Variants in ASIC2 observed in about 807,000 individuals in gnomAD.
The protein encoded by ASIC2 is acid sensing ion channel subunit 2.
A neutral mutation model predicts 57.3 loss-of-function variants in ASIC2; 25 were observed. That is an observed-to-expected ratio of 0.44 (90% CI 0.32 to 0.61). The LOEUF is 0.61. Ranked by LOEUF, ASIC2 falls within the 20% of genes least tolerant of loss-of-function variation. ASIC2 has a pLI of 0.06. For missense variants in ASIC2, 641 were observed against 738.1 expected (o/e 0.87, Z 1.52); for synonymous variants, 319 against 307.5 (o/e 1.04, Z -0.39).
intron 1 of ASIC2, among the ~76,000 whole-genome samples, chr17:33,632,808 A>G (rs1906217020): frequency 6.6e-6 from 1 of 152,112 alleles, no homozygotes; most frequent in African/African-American, 2.4e-5. Context: ...TTACAACAAC[A>G]ATGCCAGCAA....
intron 1 of ASIC2, among the ~76,000 whole-genome samples, chr17:33,500,942 TACC>T (rs1914083058): frequency 6.6e-6 from 1 of 152,244 alleles, no homozygotes; most frequent in Admixed American, 6.5e-5. Context: ...TCTCTGATAT[TACC>T]ACGTCTACAC....
intron 1 of ASIC2, among the ~76,000 whole-genome samples, chr17:33,399,018 G>A (rs192950449): frequency 6.6e-6 from 1 of 152,302 alleles, no homozygotes; most frequent in East Asian, 1.9e-4. Context: ...CTGCCATTTT[G>A]TGGTGGCCAT....
chr17:33,995,760 G>A lies in ASIC2; in HGVS notation c.555+160218C>T, dbSNP rs151287207. Among the ~76,000 whole-genome samples, 11 of 152,146 alleles carry A rather than the reference G, an allele frequency of 7.2e-5. No homozygotes were observed. The East Asian group carries it at 1.7e-3, about 24-fold the overall frequency. Reference sequence around the variant, plus strand: ...TTCTTTATTCATTCACCCATTGATGGACACTTAGGTTGGTTTCATATCTTA... The same window carrying A: ...TTCTTTATTCATTCACCCATTGATGAACACTTAGGTTGGTTTCATATCTTA... On this transcript the variant is annotated intron_variant, in intron 1 of 9. Coordinates refer to the ASIC2 transcript ENST00000359872.
At chr17:33,939,298 T>G (rs1358028053) in intron 1 of ASIC2, among the ~76,000 whole-genome samples, 1 of 152,226 alleles carries the variant, frequency 6.6e-6, no homozygotes, top group African/African-American at 2.4e-5. Flanking sequence ...AGAAAACGAA[T>G]CAGAGAGGTC....
chr17:33,152,530 A>C (rs995640513), intron 1 of ASIC2, among the ~76,000 whole-genome samples: 5 of 152,196 alleles, frequency 3.3e-5, no homozygotes, highest in African/African-American at 1.2e-4. Flanking sequence ...GAGATGTAGG[A>C]GTGAGCAAGG....
intron 1 of ASIC2, among the ~76,000 whole-genome samples, chr17:33,875,362 C>A (rs1334427043): frequency 1.3e-5 from 2 of 152,188 alleles, no homozygotes; most frequent in Admixed American, 1.3e-4. Flanking sequence ...ATCCCAGCAT[C>A]CTCTTGCTGC....
intron 1 of ASIC2, among the ~76,000 whole-genome samples, chr17:33,383,481 T>C (rs962700949): frequency 4.6e-5 from 7 of 152,216 alleles, no homozygotes; most frequent in East Asian, 1.9e-4. Context: ...AAAATTATCA[T>C]GAAGTGACTG....
At chr17:34,042,020 A>C (rs182562371) in intron 1 of ASIC2, among the ~76,000 whole-genome samples, 2 of 152,320 alleles carry the variant, frequency 1.3e-5, no homozygotes, top group African/African-American at 4.8e-5. Flanking sequence ...TTGTAGGACA[A>C]ACTCACACGA....
intron 1 of ASIC2, among the ~76,000 whole-genome samples, chr17:33,166,513 G>T (rs1905311759): frequency 6.6e-6 from 1 of 152,174 alleles, no homozygotes; most frequent in Non-Finnish European, 1.5e-5. Context: ...GTCCCACCTT[G>T]TTTCTGGAGT....
intron 2 of ASIC2, among the ~76,000 whole-genome samples, chr17:33,098,744 CT>C (rs1956384775): frequency 6.6e-6 from 1 of 152,064 alleles, no homozygotes; most frequent in South Asian, 2.1e-4. Flanking sequence ...CCAAAGCAAT[CT>C]TTTTTCTTTT....
chr17:33,495,520 G>A (rs1207628040), intron 1 of ASIC2, among the ~76,000 whole-genome samples: 1 of 152,120 alleles, frequency 6.6e-6, no homozygotes, highest in Non-Finnish European at 1.5e-5. Context: ...ACCCCATCTG[G>A]CAGTATGGCT....
chr17:33,841,619 T>C (rs184972844), intron 1 of ASIC2, among the ~76,000 whole-genome samples: 34 of 152,364 alleles, frequency 2.2e-4, no homozygotes, highest in Admixed American at 2.0e-3. Flanking sequence ...ACTGTCCCTT[T>C]GGAAGAGTCC....
At chr17:33,407,883 C>G (rs1037081490) in intron 1 of ASIC2, among the ~76,000 whole-genome samples, 6 of 152,174 alleles carry the variant, frequency 3.9e-5, no homozygotes, top group Non-Finnish European at 8.8e-5. Context: ...CAGGCCAGGA[C>G]AGGGAGTGTA....
chr17:34,053,826 A>C (rs1319994785), intron 1 of ASIC2, among the ~76,000 whole-genome samples: 2 of 152,190 alleles, frequency 1.3e-5, no homozygotes, highest in African/African-American at 4.8e-5. Flanking sequence ...AGGTGGAGGA[A>C]ACCAAATATA....
At chr17:33,453,799 T>C (rs772168456) in intron 1 of ASIC2, among the ~76,000 whole-genome samples, 1 of 152,208 alleles carries the variant, frequency 6.6e-6, no homozygotes, top group Non-Finnish European at 1.5e-5. Flanking sequence ...CCCCATGCCA[T>C]ACCCAGACAG....
At chr17:33,321,146 G>A (rs1039760840) in intron 1 of ASIC2, among the ~76,000 whole-genome samples, 1 of 152,222 alleles carries the variant, frequency 6.6e-6, no homozygotes, top group East Asian at 1.9e-4. Flanking sequence ...TAGCAGGGTC[G>A]TGCTTGTATG....
chr17:33,539,921 G>C (rs916495319), intron 1 of ASIC2, among the ~76,000 whole-genome samples: 3 of 152,288 alleles, frequency 2.0e-5, no homozygotes, highest in Non-Finnish European at 4.4e-5. Flanking sequence ...CAGGTGAAGG[G>C]GCAGGGACAG....
At chr17:34,101,643 G>A (rs1598027099) in intron 1 of ASIC2, among the ~76,000 whole-genome samples, 2 of 152,066 alleles carry the variant, frequency 1.3e-5, no homozygotes, top group African/African-American at 4.8e-5. Context: ...TCTCAAATCC[G>A]GTGTTTATGA....
intron 1 of ASIC2, among the ~76,000 whole-genome samples, chr17:33,725,720 A>ACCCC (rs1341168325): frequency 1.8e-5 from 1 of 56,052 alleles, no homozygotes; most frequent in East Asian, 4.3e-4. Flanking sequence ...ACTATTAAGA[A>ACCCC]ACCCCCCCCC....
Sources: allele counts gnomAD v4.1 joint callset (sites outside exome capture counted in the v4.1 genomes callset), GRCh38; gene constraint gnomAD v4.1.1; transcripts MANE v1.5; gene names NCBI Gene and HGNC (gene_info 2026-07-23, HGNC 2026-07-21).